The following DPYSL2 variants were observed in gnomAD, a reference collection of about 807,000 sequenced individuals.
DPYSL2 encodes dihydropyrimidinase-related protein 2.
A neutral mutation model predicts 69.9 loss-of-function variants in DPYSL2; 13 were observed. The observed-to-expected ratio is 0.19, with a 90% confidence interval of 0.12 to 0.30. The LOEUF is 0.30. Ranked by LOEUF, DPYSL2 falls within the 10% of genes least tolerant of loss-of-function variation. The pLI, the probability that DPYSL2 is intolerant of heterozygous loss-of-function variation, is 1.00. For synonymous variants in DPYSL2, 326 were observed against 359.1 expected (o/e 0.91, Z 1.04); for missense variants, 587 against 918.9 (o/e 0.64, Z 4.67).
intron 1 of DPYSL2, chr8:26,578,293 G>C: frequency 1.2e-6 from 2 of 1,614,118 alleles, no homozygotes; most frequent in Non-Finnish European, 8.5e-7. Flanking sequence ...CACGCATCAC[G>C]GTGAGTTTGG....
rs187145650 is a variant in DPYSL2, at chr8:26,552,397, G to T, written c.355-29572G>T. 1.8e-3 allele frequency among the ~76,000 whole-genome samples: 271 copies of T among 152,188 alleles called. 1 individual carries two copies. The highest frequency in any genetic ancestry group is 3.4e-3 in the Non-Finnish European group (231 of 68,002). On this transcript the variant is annotated intron_variant, in intron 1 of 13. Coordinates refer to ENST00000521913, the MANE Select transcript of DPYSL2 (RefSeq NM_001197293.3). ...AAAAGAAATAATAATAATTAGAGCAGAAATCAATGGCATTGAAAACAGGAA... is the reference window on the plus strand; with the variant it reads ...AAAAGAAATAATAATAATTAGAGCATAAATCAATGGCATTGAAAACAGGAA...
intron 4 of DPYSL2, among the ~76,000 whole-genome samples, chr8:26,625,646 G>A (rs1802596353): frequency 6.6e-6 from 1 of 152,114 alleles, no homozygotes; most frequent in Non-Finnish European, 1.5e-5. Flanking sequence ...TTGAACTAAT[G>A]GACCTTTTCT....
Position 26,514,742 on chromosome 8 carries a change from C to A in DPYSL2, c.354+63C>A. The A allele has an allele frequency of 7.6e-7, 1 of 1,321,918 alleles. No individual in the cohort carries two copies. The highest frequency in any genetic ancestry group is 9.8e-7 in the Non-Finnish European group (1 of 1,025,102). 81.9% of individuals were successfully genotyped at this position (1,321,918 alleles called of 1,614,324 possible). A position where few individuals can be genotyped will look rare whatever the true frequency, so the allele number is the denominator to read the frequency against. On this transcript the variant is annotated intron_variant, in intron 1 of 13. Coordinates refer to ENST00000521913, the MANE Select transcript of DPYSL2 (RefSeq NM_001197293.3). This position sits in a 1 kb window ranked among gnomAD's most constrained non-coding sequence, Gnocchi z 8.4. ...GCGCGGGGATCGCCCCTCCCTCGCCCCTGAGCCCGGCGCGCCCGCCTTCAT... is the reference window on the plus strand; with the variant it reads ...GCGCGGGGATCGCCCCTCCCTCGCCACTGAGCCCGGCGCGCCCGCCTTCAT...
intron 1 of DPYSL2, among the ~76,000 whole-genome samples, chr8:26,559,824 C>T (rs1036463938): frequency 6.6e-6 from 1 of 152,052 alleles, no homozygotes; most frequent in African/African-American, 2.4e-5. Flanking sequence ...CTCAAGGTTC[C>T]CTCTAACTAC....
In DPYSL2 at chr8:26,643,618, C is replaced by T. The variant is rs771130921; in HGVS notation, c.1283+23C>T. The T allele has an allele frequency of 8.1e-6, 13 of 1,614,064 alleles. No individual in the cohort carries two copies. Among genetic ancestry groups the T allele is most frequent in the Non-Finnish European group, 9.3e-6 (11 of 1,180,028 alleles). ...CTGGTGAGTCCTGGCGACTTGTTCA[C>T]ACTTCACATTCTGTCTTTCTTCAGA... On this transcript the variant is annotated intron_variant, in intron 9 of 13. Coordinates refer to ENST00000521913, the MANE Select transcript of DPYSL2 (RefSeq NM_001197293.3). The surrounding 1 kb of genome is among the most constrained non-coding windows in gnomAD (Gnocchi z 6.5).
chr8:26,609,469 A>G lies in DPYSL2; in HGVS notation c.629-14674A>G, dbSNP rs186610233. On this transcript the variant is annotated intron_variant, in intron 3 of 13. Coordinates refer to ENST00000521913, the MANE Select transcript of DPYSL2 (RefSeq NM_001197293.3). This position sits in a 1 kb window ranked among gnomAD's most constrained non-coding sequence, Gnocchi z 6.5. Reference sequence around the variant, plus strand: ...CAGGAAGGAAAACGAAGTCAAACCCAGTCTTTGCACGTGGAAGCTTGTGGC... The same window carrying G: ...CAGGAAGGAAAACGAAGTCAAACCCGGTCTTTGCACGTGGAAGCTTGTGGC... Among the ~76,000 whole-genome samples, 1 of 152,326 alleles carries G rather than the reference A, an allele frequency of 6.6e-6. No individual in the cohort carries two copies. Among genetic ancestry groups the G allele is most frequent in the African/African-American group, 2.4e-5 (1 of 41,568 alleles).
At chr8:26,612,237 C>T (rs1802246562) in intron 3 of DPYSL2, among the ~76,000 whole-genome samples, 3 of 152,148 alleles carry the variant, frequency 2.0e-5, no homozygotes, top group African/African-American at 7.2e-5. Flanking sequence ...CATCCTGATG[C>T]ATTGCTGGTG....
chr8:26,540,441 A>T (rs1164724423), intron 1 of DPYSL2, among the ~76,000 whole-genome samples: 1 of 152,234 alleles, frequency 6.6e-6, no homozygotes, highest in African/African-American at 2.4e-5. Flanking sequence ...TAGAAAGCTC[A>T]TTTAAATAAA....
At chr8:26,578,676 C>A in intron 1 of DPYSL2, 2 of 954,924 alleles carry the variant, frequency 2.1e-6, no homozygotes, top group Non-Finnish European at 2.6e-6. Flanking sequence ...TGCTGCGAGG[C>A]TGGACTCCTC....
intron 1 of DPYSL2, chr8:26,578,236 A>C (rs768012686): frequency 6.2e-7 from 1 of 1,613,920 alleles, no homozygotes; most frequent in African/African-American, 1.3e-5. Context: ...CTTGAAATTA[A>C]TTTTTTCCCA....
At position 26,655,758 on chromosome 8, in the gene DPYSL2, C is replaced by A. The variant is rs1803372630; in HGVS notation, c.*52C>A. ...GGACTGGGGATGGGACACCTGAGGA[C>A]ATTCTGAGACTTCTTTCTTCCTTCC... On this transcript the variant is annotated 3_prime_UTR_variant, in exon 14 of 14. Transcript: ENST00000521913. The A allele has an allele frequency of 2.1e-4, 236 of 1,132,036 alleles. No homozygotes were observed. The highest frequency in any genetic ancestry group is 2.7e-4 in the Non-Finnish European group (215 of 799,314). The allele number at this position is 1,132,036 out of a possible 1,614,324, so 70.1% of individuals were successfully genotyped here.
chr8:26,583,687 A>G, intron 2 of DPYSL2, 112 bp from the exon 3 acceptor site: 1 of 980,344 alleles, frequency 1.0e-6, no homozygotes, highest in Non-Finnish European at 1.5e-6. Flanking sequence ...ATGATCTGAA[A>G]AGCCCACGGC....
intron 1 of DPYSL2, among the ~76,000 whole-genome samples, chr8:26,550,319 G>A (rs762868495): frequency 2.0e-5 from 3 of 152,092 alleles, no homozygotes; most frequent in Non-Finnish European, 4.4e-5. Flanking sequence ...TGAGAAAATG[G>A]AGTTACATAA....
rs773639518 is a variant in DPYSL2, at chr8:26,627,840, C to G, written c.937-32C>G. The G allele has an allele frequency of 6.2e-7, 1 of 1,610,164 alleles. No homozygotes were observed. Among genetic ancestry groups the G allele is most frequent in the Non-Finnish European group, 8.5e-7 (1 of 1,178,462 alleles). ...TCAGAGCTGTGCAAAATCCACTCTC[C>G]CTCACAGCCTGACTTTCTCTAAACA... On this transcript the variant is annotated intron_variant, in intron 6 of 13. Transcript: ENST00000521913. This position sits in a 1 kb window ranked among gnomAD's most constrained non-coding sequence, Gnocchi z 6.9.
intron 3 of DPYSL2, among the ~76,000 whole-genome samples, chr8:26,604,857 G>A (rs1336762159): frequency 6.6e-6 from 1 of 151,930 alleles, no homozygotes; most frequent in Non-Finnish European, 1.5e-5. Flanking sequence ...GTAGAGACGG[G>A]GTTTCACCAT....
In DPYSL2 at chr8:26,585,321, G is replaced by A. The variant is rs1801576406; in HGVS notation, c.628+1338G>A. ...CTTCTTTTCTATCTTGCCTGAGCTA[G>A]AGGAATGTTGCCCTGCCATCCCCTC... On this transcript the variant is annotated intron_variant, in intron 3 of 13. Coordinates refer to ENST00000521913, the MANE Select transcript of DPYSL2 (RefSeq NM_001197293.3). This position sits in a 1 kb window ranked among gnomAD's most constrained non-coding sequence, Gnocchi z 4.0. 6.6e-6 allele frequency among the ~76,000 whole-genome samples: 1 copy of A among 152,136 alleles called. No individual in the cohort carries two copies. Among genetic ancestry groups the A allele is most frequent in the African/African-American group, 2.4e-5 (1 of 41,418 alleles).
Position 26,586,406 on chromosome 8 carries a change from C to G in DPYSL2, c.628+2423C>G, listed in dbSNP as rs763795100. On this transcript the variant is annotated intron_variant, in intron 3 of 13. Coordinates refer to ENST00000521913, the MANE Select transcript of DPYSL2 (RefSeq NM_001197293.3). This position sits in a 1 kb window ranked among gnomAD's most constrained non-coding sequence, Gnocchi z 4.7. The stretch of plus-strand genomic sequence containing the variant: ...TCAAGTACATGTTGCTCAGCAGATA[C>G]AGAAAGTCCCTGTTTTCTCTCACAC... 6.6e-6 allele frequency among the ~76,000 whole-genome samples: 1 copy of G among 152,202 alleles called. No individual in the cohort carries two copies. The highest frequency in any genetic ancestry group is 2.4e-5 in the African/African-American group (1 of 41,434).
In DPYSL2 at chr8:26,655,765, A is replaced by G. The variant is rs1246617983; in HGVS notation, c.*59A>G. 3.3e-6 allele frequency: 4 copies of G among 1,226,916 alleles called. No individual in the cohort carries two copies. The highest frequency in any genetic ancestry group is 1.6e-5 in the African/African-American group (1 of 64,470). The allele number at this position is 1,226,916 out of a possible 1,614,324, so 76.0% of individuals were successfully genotyped here. A position where few individuals can be genotyped will look rare whatever the true frequency, so the allele number is the denominator to read the frequency against. On this transcript the variant is annotated 3_prime_UTR_variant, in exon 14 of 14. Coordinates refer to ENST00000521913, the MANE Select transcript of DPYSL2 (RefSeq NM_001197293.3). ...GGATGGGACACCTGAGGACATTCTG[A>G]GACTTCTTTCTTCCTTCCTTTTTTT...
Position 26,514,072 on chromosome 8 carries a change from A to C in DPYSL2, c.-254A>C, listed in dbSNP as rs1368383902. ...CCGCAGCGGACGCCCTCCCAGATCC[A>C]ACTTTGCCGCTTCCCCGAGCTCGCG... On this transcript the variant is annotated 5_prime_UTR_variant, in exon 1 of 14. Transcript: ENST00000521913. This position sits in a 1 kb window ranked among gnomAD's most constrained non-coding sequence, Gnocchi z 8.4. 1 of 340,394 alleles carries C rather than the reference A, an allele frequency of 2.9e-6. No homozygotes were observed. Among genetic ancestry groups the C allele is most frequent in the Non-Finnish European group, 5.3e-6 (1 of 189,488 alleles). 21.1% of individuals were successfully genotyped at this position (340,394 alleles called of 1,614,324 possible). A position where few individuals can be genotyped will look rare whatever the true frequency, so the allele number is the denominator to read the frequency against.
Sources: allele counts gnomAD v4.1 joint callset (sites outside exome capture counted in the v4.1 genomes callset), GRCh38; gene constraint gnomAD v4.1.1; non-coding constraint Gnocchi (gnomAD v3.1); transcripts MANE v1.5; gene names NCBI Gene and HGNC (gene_info 2026-07-23, HGNC 2026-07-21).